RAB6A: variants seen among roughly 807,000 people sequenced by gnomAD.
RAB6A encodes ras-related protein Rab-6A.
RAB6A carries 8 observed loss-of-function variants against 32.3 expected under a neutral mutation model. That is an observed-to-expected ratio of 0.25 (90% CI 0.15 to 0.45). The LOEUF is 0.45. Ranked by LOEUF, RAB6A falls within the 20% of genes least tolerant of loss-of-function variation. The probability of loss-of-function intolerance (pLI) is 1.00; values close to 1 mark genes in which losing one functional copy is unlikely to be tolerated. For synonymous variants in RAB6A, 73 were observed against 82.1 expected, an observed-to-expected ratio of 0.89 and a Z score of 0.60; for missense variants, 104 against 249.4, an observed-to-expected ratio of 0.42 and a Z score of 3.93.
intron 5 of RAB6A, among the ~76,000 whole-genome samples, chr11:73,710,906 C>T (rs540771587): frequency 6.6e-6 from 1 of 152,044 alleles, no homozygotes; most frequent in African/African-American, 2.4e-5. Flanking sequence ...CCATGCCTAG[C>T]CCATTTTCTT....
chr11:73,728,620 A>AATAATAATG, intron 2 of RAB6A, among the ~76,000 whole-genome samples: 1 of 147,072 alleles, frequency 6.8e-6, no homozygotes, highest in Non-Finnish European at 1.5e-5. Context: ...AAATAATAAT[A>AATAATAATG]ATAATAATAA....
At chr11:73,739,387 G>GTCTCGAAC (rs1946459906) in intron 1 of RAB6A, among the ~76,000 whole-genome samples, 1 of 144,490 alleles carries the variant, frequency 6.9e-6, no homozygotes, top group Admixed American at 7.2e-5. Context: ...GCCCAGGTTG[G>GTCTCGAAC]TCTCGAACTC....
intron 6 of RAB6A, among the ~76,000 whole-genome samples, chr11:73,695,371 G>GT (rs1291160775): frequency 1.1e-4 from 10 of 91,840 alleles, no homozygotes; most frequent in South Asian, 2.8e-4. Context: ...TAAGTATCCA[G>GT]TTTTTTTGTT....
At chr11:73,731,727 TATATAC>T (rs1490543576) in intron 1 of RAB6A, among the ~76,000 whole-genome samples, 69 of 8,366 alleles carry the variant, frequency 8.2e-3, no homozygotes, top group Middle Eastern at 0.05. Flanking sequence ...TATATATATA[TATATAC>T]ACACACACAC....
chr11:73,756,195 A>C (rs1946748180), intron 1 of RAB6A, among the ~76,000 whole-genome samples: 1 of 151,934 alleles, frequency 6.6e-6, no homozygotes, highest in African/African-American at 2.4e-5. Flanking sequence ...TCTACAAAAA[A>C]ATACAAAAAT....
At chr11:73,701,656 TTTTG>T (rs1250735229) in intron 6 of RAB6A, among the ~76,000 whole-genome samples, 10 of 151,768 alleles carry the variant, frequency 6.6e-5, no homozygotes, top group Admixed American at 3.3e-4. Context: ...CTTTCGTGTT[TTTTG>T]TTTTTTATTT....
At chr11:73,692,052 T>G (rs988101377) in intron 6 of RAB6A, among the ~76,000 whole-genome samples, 23 of 152,184 alleles carry the variant, frequency 1.5e-4, no homozygotes, top group African/African-American at 5.5e-4. Context: ...GGGTACCTAT[T>G]GAACGTTAAT....
At chr11:73,696,267 G>A (rs915097306) in intron 6 of RAB6A, among the ~76,000 whole-genome samples, 2 of 151,912 alleles carry the variant, frequency 1.3e-5, no homozygotes, top group Non-Finnish European at 2.9e-5. Context: ...GCACAATCTC[G>A]GCTCACTGCA....
intron 1 of RAB6A, among the ~76,000 whole-genome samples, chr11:73,738,172 T>G (rs1474074890): frequency 3.3e-5 from 5 of 152,096 alleles, no homozygotes; most frequent in African/African-American, 1.2e-4. Flanking sequence ...TATTTTTTAC[T>G]TATTTATTTA....
At chr11:73,730,714 A>G in intron 2 of RAB6A, 51 bp downstream of exon 2, 2 of 1,404,546 alleles carry the variant, frequency 1.4e-6, no homozygotes, top group Non-Finnish European at 2.0e-6. Context: ...TATCTTGAAT[A>G]TTACTTGTAA....
intron 6 of RAB6A, among the ~76,000 whole-genome samples, chr11:73,706,445 T>G: frequency 6.7e-6 from 1 of 149,590 alleles, no homozygotes; most frequent in African/African-American, 2.5e-5. Flanking sequence ...ACCTGGGAGG[T>G]GAAGCTTGCA....
At chr11:73,678,696 A>G (rs7940395) in intron 7 of RAB6A, among the ~76,000 whole-genome samples, 30,263 of 150,302 alleles carry the variant, frequency 0.2, 3,139 homozygotes, top group East Asian at 0.25. Flanking sequence ...TTTGTTTTTG[A>G]AACATATTAT....
intron 6 of RAB6A, among the ~76,000 whole-genome samples, chr11:73,686,777 T>C (rs1008343574): frequency 2.0e-5 from 3 of 152,174 alleles, no homozygotes; most frequent in African/African-American, 7.2e-5. Context: ...AGTACTGCTA[T>C]ATTCACATAT....
intron 6 of RAB6A, among the ~76,000 whole-genome samples, chr11:73,695,249 C>A (rs1215076259): frequency 6.6e-6 from 1 of 151,908 alleles, no homozygotes; most frequent in African/African-American, 2.4e-5. Context: ...AAACCTATTT[C>A]TTAAATGCCA....
At chr11:73,754,126 G>A (rs1946709344) in intron 1 of RAB6A, among the ~76,000 whole-genome samples, 1 of 152,184 alleles carries the variant, frequency 6.6e-6, no homozygotes, top group Admixed American at 6.5e-5. Flanking sequence ...TCTGCCAAAG[G>A]TCAGTAGCCA....
intron 6 of RAB6A, among the ~76,000 whole-genome samples, chr11:73,697,788 A>G (rs1191188145): frequency 6.6e-6 from 1 of 152,228 alleles, no homozygotes; most frequent in African/African-American, 2.4e-5. Flanking sequence ...CCCAGTGCCT[A>G]TAACATAACT....
chr11:73,707,636 T>C (rs924256641), intron 5 of RAB6A, 123 bp from the exon 6 acceptor site: 1 of 614,916 alleles, frequency 1.6e-6, no homozygotes, highest in Non-Finnish European at 2.8e-6. Flanking sequence ...CACATTAGTT[T>C]AAAAATTCAT....
intron 4 of RAB6A, among the ~76,000 whole-genome samples, chr11:73,716,693 T>C (rs535682415): frequency 2.0e-5 from 3 of 152,300 alleles, no homozygotes; most frequent in East Asian, 1.9e-4. Flanking sequence ...TGGTGTCACA[T>C]TGCCACAATG....
intron 6 of RAB6A, among the ~76,000 whole-genome samples, chr11:73,691,975 CA>C (rs879882990): frequency 3.0e-4 from 43 of 141,646 alleles, no homozygotes; most frequent in African/African-American, 9.6e-4. Flanking sequence ...CTCTTGTCTC[CA>C]AAAAAAAAAG....
Sources: gnomAD v4.1 joint callset for allele counts (sites outside exome capture counted in the v4.1 genomes callset) on GRCh38, gnomAD v4.1.1 for gene constraint, MANE v1.5 for transcripts, NCBI Gene and HGNC (gene_info 2026-07-23, HGNC 2026-07-21) for gene names.